The following MDGA2 variants were observed in gnomAD, a reference collection of about 807,000 sequenced individuals.
MDGA2 encodes the protein MAM domain-containing glycosylphosphatidylinositol anchor protein 2.
In MDGA2, 40 loss-of-function variants were observed where a neutral mutation model predicts 117.8. The observed-to-expected ratio is 0.34, with a 90% CI of 0.26 to 0.44. The LOEUF is 0.44. Ranked by LOEUF, MDGA2 falls within the 20% of genes least tolerant of loss-of-function variation. The pLI is 1.00. For missense variants in MDGA2, 1,123 were observed against 1,250.6 expected (o/e 0.90, Z 1.54); for synonymous variants, 452 against 439.0 (o/e 1.03, Z -0.37).
chr14:47,260,343 T>C (rs1210814746), intron 2 of MDGA2, among the ~76,000 whole-genome samples: 1 of 152,028 alleles, frequency 6.6e-6, no homozygotes, highest in Non-Finnish European at 1.5e-5. Context: ...ATGCAGTGCA[T>C]ATATTTTGGG....
intron 1 of MDGA2, among the ~76,000 whole-genome samples, chr14:47,377,822 A>G (rs1000403790): frequency 3.0e-4 from 46 of 152,068 alleles, no homozygotes; most frequent in African/African-American, 1.1e-3. Flanking sequence ...CAGAAACTTC[A>G]GACTTAAACA....
intron 9 of MDGA2, among the ~76,000 whole-genome samples, chr14:46,928,135 A>T (rs1292170547): frequency 1.3e-5 from 2 of 152,116 alleles, no homozygotes; most frequent in Non-Finnish European, 2.9e-5. Context: ...ATTTCCCAGA[A>T]ATGATTTTAT....
intron 1 of MDGA2, among the ~76,000 whole-genome samples, chr14:47,312,700 T>TG (rs1889679415): frequency 6.9e-6 from 1 of 144,032 alleles, no homozygotes; most frequent in Admixed American, 6.9e-5. Context: ...TTTGTTTTGT[T>TG]TTTTTTTTTT....
In MDGA2 at chr14:47,364,526, C is replaced by A. The variant is rs747702939; in HGVS notation, c.281-62976G>T. ...TGATCCACCCGCCTCGGCCTCCCAA[C>A]GTGCTGGGATTACAGGCGTGAGCCA... On this transcript the variant is annotated intron_variant, in intron 1 of 16. Coordinates refer to ENST00000399232, the MANE Select transcript of MDGA2 (RefSeq NM_001113498.3). Among the ~76,000 whole-genome samples, 83 of 152,192 alleles carry A rather than the reference C, an allele frequency of 5.5e-4. 1 individual carries two copies. Among genetic ancestry groups the A allele is most frequent in the African/African-American group, 1.9e-3 (77 of 41,552 alleles).
At chr14:47,336,748 T>C (rs1890471268) in intron 1 of MDGA2, among the ~76,000 whole-genome samples, 1 of 151,992 alleles carries the variant, frequency 6.6e-6, no homozygotes, top group African/African-American at 2.4e-5. Context: ...TATCACATGG[T>C]ATGCTTCTTT....
At chr14:47,428,172 T>C (rs1227399667) in intron 1 of MDGA2, among the ~76,000 whole-genome samples, 1 of 152,050 alleles carries the variant, frequency 6.6e-6, no homozygotes, top group Admixed American at 6.6e-5. Flanking sequence ...CAGGAAAAAA[T>C]TAAAGAAACT....
chr14:47,304,916 C>T (rs1410293459), intron 1 of MDGA2, among the ~76,000 whole-genome samples: 1 of 152,148 alleles, frequency 6.6e-6, no homozygotes, highest in African/African-American at 2.4e-5. Flanking sequence ...CTGATACCTT[C>T]TTGGATTACT....
At chr14:47,347,688 T>A (rs1890789559) in intron 1 of MDGA2, among the ~76,000 whole-genome samples, 1 of 152,062 alleles carries the variant, frequency 6.6e-6, no homozygotes, top group Non-Finnish European at 1.5e-5. Flanking sequence ...GAGATAAAGA[T>A]TTGGGAATCA....
intron 1 of MDGA2, among the ~76,000 whole-genome samples, chr14:47,308,368 T>C (rs1480231125): frequency 6.6e-6 from 1 of 152,186 alleles, no homozygotes; most frequent in African/African-American, 2.4e-5. Flanking sequence ...CAACTCATCA[T>C]GTTTGTACTT....
At position 47,602,118 on chromosome 14, in the gene MDGA2, T is replaced by C. The variant is rs1896659709; in HGVS notation, c.280+72399A>G. Among the ~76,000 whole-genome samples the C allele has an allele frequency of 2.6e-5, 4 of 152,198 alleles. No individual in the cohort carries two copies. In the South Asian group the frequency reaches 8.3e-4, roughly 32 times the overall value. ...ACTGAAAACTTGTGACTATTTTGAA[T>C]GCTAACAAACTATTTTTTTAAAGTA... On this transcript the variant is annotated intron_variant, in intron 1 of 16. Transcript: ENST00000399232.
chr14:47,625,760 G>A (rs143878061), intron 1 of MDGA2, among the ~76,000 whole-genome samples: 88 of 152,198 alleles, frequency 5.8e-4, no homozygotes, highest in African/African-American at 2.0e-3. Context: ...GACTAACAAA[G>A]TTATCTTTCT....
chr14:47,044,072 GTT>G (rs955884135), intron 7 of MDGA2, among the ~76,000 whole-genome samples: 1 of 145,098 alleles, frequency 6.9e-6, no homozygotes. Flanking sequence ...CATTTTAAAG[GTT>G]TTTTTTTTTC....
chr14:47,117,775 A>C (rs1042526862), intron 5 of MDGA2, among the ~76,000 whole-genome samples: 6 of 152,300 alleles, frequency 3.9e-5, no homozygotes, highest in African/African-American at 1.2e-4. Context: ...AAGAGTTACT[A>C]ATCAACAGGC....
chr14:47,121,156 T>A (rs922049488), intron 5 of MDGA2, among the ~76,000 whole-genome samples: 2 of 152,264 alleles, frequency 1.3e-5, no homozygotes, highest in Admixed American at 6.5e-5. Context: ...TGGAGATGTA[T>A]CCTATAAGCG....
intron 8 of MDGA2, among the ~76,000 whole-genome samples, chr14:47,023,943 T>G (rs2138597777): frequency 6.6e-6 from 1 of 152,076 alleles, no homozygotes; most frequent in East Asian, 1.9e-4. Flanking sequence ...AGAAGAAGAA[T>G]AAATAGCAGC....
At chr14:46,959,894 T>C (rs1885723296) in intron 8 of MDGA2, among the ~76,000 whole-genome samples, 1 of 152,128 alleles carries the variant, frequency 6.6e-6, no homozygotes, top group Non-Finnish European at 1.5e-5. Context: ...CGTGTTACTG[T>C]GTCATGAATT....
chr14:47,571,983 A>G (rs1243332094), intron 1 of MDGA2, among the ~76,000 whole-genome samples: 1 of 152,196 alleles, frequency 6.6e-6, no homozygotes, highest in Non-Finnish European at 1.5e-5. Flanking sequence ...TACTTTGCTC[A>G]TTTGTTAAAT....
At position 47,247,052 on chromosome 14, in the gene MDGA2, A is replaced by G. The variant is rs560197172; in HGVS notation, c.421-28857T>C. ...TTGGTGTGTTTTTCTGTGAATAAAAATTACTTTCTACCATGTAATGTTAAG... is the reference window on the plus strand; with the variant it reads ...TTGGTGTGTTTTTCTGTGAATAAAAGTTACTTTCTACCATGTAATGTTAAG... On this transcript the variant is annotated intron_variant, in intron 2 of 16. Coordinates refer to ENST00000399232, the MANE Select transcript of MDGA2 (RefSeq NM_001113498.3). Among the ~76,000 whole-genome samples, 3 of 151,894 alleles carry G rather than the reference A, an allele frequency of 2.0e-5. No individual in the cohort carries two copies. In the South Asian group the frequency reaches 6.2e-4, roughly 32 times the overall value.
rs534357455 is a variant in MDGA2 at position 46,994,994 on chromosome 14, A to C, written c.1820-37351T>G. On this transcript the variant is annotated intron_variant, in intron 8 of 16. Transcript: ENST00000399232. ...TACACCCATATTGGTCAATACCAAT[A>C]TTAAAATAAAAAATTTGGAATTCTG... Among the ~76,000 whole-genome samples the C allele has an allele frequency of 5.3e-5, 8 of 152,264 alleles. No homozygotes were observed. In the South Asian group the frequency reaches 1.7e-3, roughly 32 times the overall value.
Sources: gnomAD v4.1 joint callset for allele counts (sites outside exome capture counted in the v4.1 genomes callset) on GRCh38, gnomAD v4.1.1 for gene constraint, MANE v1.5 for transcripts, NCBI Gene and HGNC (gene_info 2026-07-23, HGNC 2026-07-21) for gene names.